The following DENND2B variants were observed in gnomAD, a reference collection of about 807,000 sequenced individuals.
DENND2B encodes the protein DENN domain containing 2B.
In DENND2B, 32 loss-of-function variants were observed where a neutral mutation model predicts 116.0. That is an observed-to-expected ratio of 0.28 (90% CI 0.21 to 0.37). DENND2B has a LOEUF of 0.37. Among genes scored for constraint, DENND2B ranks in the 10% least tolerant of loss-of-function variants. The pLI, the probability that DENND2B is intolerant of heterozygous loss-of-function variation, is 1.00. For missense variants in DENND2B, 1,276 were observed against 1,477.7 expected, an observed-to-expected ratio of 0.86 and a Z score of 2.24; for synonymous variants, 588 against 583.9, an observed-to-expected ratio of 1.01 and a Z score of -0.10.
In DENND2B at chr11:8,730,395, C is replaced by T; in HGVS notation, c.895G>A (p.Gly299Arg). The T allele has an allele frequency of 6.2e-7, 1 of 1,605,702 alleles. No individual in the cohort carries two copies. The highest frequency in any genetic ancestry group is 8.5e-7 in the Non-Finnish European group (1 of 1,179,952). The change falls in exon 3 of 20, where the codon GGG becomes AGG. Residue 299 changes from glycine to arginine, a missense_variant. Around this residue, in one of 2 missense-constraint regions of DENND2B, gnomAD observed 856 missense variants for 846.6 expected, o/e 1.01. Coordinates refer to ENST00000313726, the MANE Select transcript of DENND2B (RefSeq NM_213618.2). This position sits in a 1 kb window ranked among gnomAD's most constrained non-coding sequence, Gnocchi z 4.1. The part of the protein sequence containing the change: ...EQVLKEQPGR[G>R]LPQLPSSCYS... ...CAGCTGCTGGGGAGCTGGGGGAGCC[C>T]CCGGCCCGGCTGCTCCTTCAGGACC...
At chr11:8,743,775 CA>C (rs2050699153) in intron 2 of DENND2B, among the ~76,000 whole-genome samples, 1 of 147,016 alleles carries the variant, frequency 6.8e-6, no homozygotes, top group African/African-American at 2.5e-5. Flanking sequence ...TTCTTTGAAA[CA>C]AAGTCTGGCC....
chr11:8,734,376 A>G (rs1229999505), intron 2 of DENND2B, among the ~76,000 whole-genome samples: 2 of 152,148 alleles, frequency 1.3e-5, no homozygotes, highest in Admixed American at 6.5e-5. Flanking sequence ...GAGGGTAAGA[A>G]CATCACAGCC....
intron 4 of DENND2B, among the ~76,000 whole-genome samples, chr11:8,838,717 T>C (rs1000948311): frequency 6.6e-6 from 1 of 152,046 alleles, no homozygotes; most frequent in African/African-American, 2.4e-5. Context: ...GTTTTAAAAG[T>C]GGTTGAGATC....
At chr11:8,789,872 A>G (rs1041031116) in intron 1 of DENND2B, among the ~76,000 whole-genome samples, 25 of 152,106 alleles carry the variant, frequency 1.6e-4, no homozygotes, top group African/African-American at 6.0e-4. Flanking sequence ...CCCACCATCT[A>G]ACTAAAACTA....
chr11:8,884,621 G>A (rs2063940609), intron 1 of DENND2B, among the ~76,000 whole-genome samples: 1 of 152,164 alleles, frequency 6.6e-6, no homozygotes, highest in East Asian at 1.9e-4. Context: ...AGGCAGCCTA[G>A]GAGTTAATAT....
At chr11:8,793,039 G>A (rs145383531) in intron 1 of DENND2B, among the ~76,000 whole-genome samples, 27 of 152,282 alleles carry the variant, frequency 1.8e-4, no homozygotes, top group East Asian at 1.5e-3. Flanking sequence ...TCAATTGTCC[G>A]TCAAAAGGGG....
At chr11:8,710,790 CA>C (rs35213955) in intron 11 of DENND2B, 54 bp downstream of exon 11, 121 of 1,462,188 alleles carry the variant, frequency 8.3e-5, no homozygotes, top group Non-Finnish European at 9.9e-5. Context: ...CACACACACA[CA>C]CACCCTGGCC....
chr11:8,766,310 G>A (rs2055773864), intron 1 of DENND2B, among the ~76,000 whole-genome samples: 1 of 152,076 alleles, frequency 6.6e-6, no homozygotes, highest in African/African-American at 2.4e-5. Context: ...TGCCTGAACA[G>A]AAGTGCCTGC....
In DENND2B at chr11:8,707,663, T is replaced by A; in HGVS notation, c.2430+114A>T. 2 of 1,002,064 alleles carry A rather than the reference T, an allele frequency of 2.0e-6. No individual in the cohort carries two copies. Among genetic ancestry groups the A allele is most frequent in the South Asian group, 3.1e-5 (2 of 63,646 alleles). 62.1% of individuals were successfully genotyped at this position (1,002,064 alleles called of 1,614,324 possible). A position where few individuals can be genotyped will look rare whatever the true frequency, so the allele number is the denominator to read the frequency against. On this transcript the variant is annotated intron_variant, in intron 12 of 19. Transcript: ENST00000313726. The surrounding 1 kb of genome is among the most constrained non-coding windows in gnomAD (Gnocchi z 4.8). ...CTCACTGGTACTTGTTCCTGCATTC[T>A]GTCTCCCGCTCGCTCACAGTCACAG...
intron 4 of DENND2B, among the ~76,000 whole-genome samples, chr11:8,816,550 CAAA>C (rs113682667): frequency 9.0e-5 from 11 of 121,678 alleles, no homozygotes; most frequent in Admixed American, 1.6e-4. Context: ...AACTGTGTCT[CAAA>C]AAAAAAAAAA....
intron 2 of DENND2B, among the ~76,000 whole-genome samples, chr11:8,865,956 T>C (rs1460922511): frequency 6.6e-6 from 1 of 151,708 alleles, no homozygotes; most frequent in Non-Finnish European, 1.5e-5. Flanking sequence ...ATTTTTCTTT[T>C]TCTTTTTTTT....
chr11:8,719,256 G>A, intron 4 of DENND2B: 1 of 984,158 alleles, frequency 1.0e-6, no homozygotes, highest in Non-Finnish European at 1.2e-6. Context: ...TTCCAAAGTG[G>A]AGCTCCCTCC....
At position 8,883,572 on chromosome 11, in the gene DENND2B, T is replaced by A. The variant is rs115379103; in HGVS notation, c.-255-2463A>T. On this transcript the variant is annotated intron_variant, in intron 1 of 22. Coordinates refer to the DENND2B transcript ENST00000534127. ...GATATAAGCACAAACATCTCATAAG[T>A]GTTTTAAAACCATCCAATTGTTTGA... Among the ~76,000 whole-genome samples, 511 of 152,362 alleles carry A rather than the reference T, an allele frequency of 3.4e-3. 2 individuals are homozygous for A. The highest frequency in any genetic ancestry group is 0.012 in the African/African-American group (486 of 41,592).
intron 4 of DENND2B, among the ~76,000 whole-genome samples, chr11:8,836,832 C>T (rs1226883531): frequency 6.6e-6 from 1 of 152,198 alleles, no homozygotes; most frequent in Non-Finnish European, 1.5e-5. Context: ...CCTCCCACTT[C>T]AGCCTCCCGA....
At chr11:8,826,230 C>T (rs886722958) in intron 4 of DENND2B, among the ~76,000 whole-genome samples, 3 of 152,152 alleles carry the variant, frequency 2.0e-5, no homozygotes, top group African/African-American at 7.2e-5. Flanking sequence ...ATCAAAACCT[C>T]CCAGCTGGGG....
At chr11:8,806,085 C>T (rs1476683506) in intron 1 of DENND2B, among the ~76,000 whole-genome samples, 4 of 152,226 alleles carry the variant, frequency 2.6e-5, no homozygotes, top group Admixed American at 6.5e-5. Flanking sequence ...CTCTCGATTA[C>T]CACCTGCTGC....
At chr11:8,742,278 T>C (rs2050357418) in intron 2 of DENND2B, among the ~76,000 whole-genome samples, 1 of 152,200 alleles carries the variant, frequency 6.6e-6, no homozygotes, top group Non-Finnish European at 1.5e-5. Context: ...TCTGAATTCC[T>C]AATCCATGGA....
At chr11:8,776,318 T>C in intron 1 of DENND2B, 1 of 443,074 alleles carries the variant, frequency 2.3e-6, no homozygotes, top group Non-Finnish European at 4.5e-6. Flanking sequence ...ATCCAACTCC[T>C]AGTATGCTCC....
In DENND2B at chr11:8,730,492, G is replaced by A; in HGVS notation, c.798C>T (p.Ser266=). The change falls in exon 3 of 20, where the codon AGC becomes AGT. Residue 266 remains serine, a synonymous_variant. Transcript: ENST00000313726. The surrounding 1 kb of genome is among the most constrained non-coding windows in gnomAD (Gnocchi z 4.1). ...TGCTGCCATGCCCCCTGAGGAAGGC[G>A]CTGGGCTCACTCCGGCCCAGCCGTT... ...LEKRLGRSEP[S]AFLRGHGSRK... 6.2e-7 allele frequency: 1 copy of A among 1,612,220 alleles called. No individual in the cohort carries two copies. The highest frequency in any genetic ancestry group is 8.5e-7 in the Non-Finnish European group (1 of 1,180,016).
Sources: allele counts gnomAD v4.1 joint callset (sites outside exome capture counted in the v4.1 genomes callset), GRCh38; gene constraint gnomAD v4.1.1; regional missense constraint gnomAD v4.1.1; non-coding constraint Gnocchi (gnomAD v3.1); transcripts MANE v1.5; gene names NCBI Gene and HGNC (gene_info 2026-07-23, HGNC 2026-07-21).